The following FARP1 variants were observed in gnomAD, a reference collection of about 807,000 sequenced individuals.
FARP1 encodes FERM, ARHGEF and pleckstrin domain-containing protein 1.
A neutral mutation model predicts 128.8 loss-of-function variants in FARP1; 52 were observed. The observed-to-expected ratio is 0.40, with a 90% confidence interval of 0.32 to 0.51. The LOEUF is 0.51. Ranked by LOEUF, FARP1 falls within the 20% of genes least tolerant of loss-of-function variation. FARP1 has a pLI of 0.45. For synonymous variants in FARP1, 580 were observed against 551.8 expected, an observed-to-expected ratio of 1.05 and a Z score of -0.72; for missense variants, 1,333 against 1,367.9, an observed-to-expected ratio of 0.97 and a Z score of 0.40.
Position 98,410,652 on chromosome 13 carries a change from A to G in FARP1, c.1603-82A>G, listed in dbSNP as rs576732894. 1.7e-5 allele frequency: 11 copies of G among 658,664 alleles called. No homozygotes were observed. The South Asian group carries it at 1.8e-4, about 11-fold the overall frequency. The allele number at this position is 658,664 out of a possible 1,614,324, so 40.8% of individuals were successfully genotyped here. A position where few individuals can be genotyped will look rare whatever the true frequency, so the allele number is the denominator to read the frequency against. On this transcript the variant is annotated intron_variant, in intron 14 of 26. Coordinates refer to ENST00000319562, the MANE Select transcript of FARP1 (RefSeq NM_005766.4). ...TAACAAAAGATCACAAGTTAGTAAC[A>G]TATCACTTTAATGAGGACATTCTCC...
chr13:98,397,833 C>T (rs1890607189), intron 13 of FARP1: 1 of 138,656 alleles, frequency 7.2e-6, no homozygotes, highest in East Asian at 2.0e-4. Flanking sequence ...AGAAAAACAT[C>T]ACAAACAAAC....
chr13:98,391,503 T>C (rs1295656892), intron 11 of FARP1, among the ~76,000 whole-genome samples: 1 of 152,214 alleles, frequency 6.6e-6, no homozygotes, highest in Non-Finnish European at 1.5e-5. Context: ...ACTCCTGGGC[T>C]CAAGCCATCT....
chr13:98,365,004 A>G (rs1354350606), intron 3 of FARP1, among the ~76,000 whole-genome samples: 1 of 152,218 alleles, frequency 6.6e-6, no homozygotes, highest in East Asian at 1.9e-4. Flanking sequence ...GTGCTGTTCT[A>G]GACACTCACA....
chr13:98,311,125 A>G (rs1196942117), intron 2 of FARP1, among the ~76,000 whole-genome samples: 1 of 152,224 alleles, frequency 6.6e-6, no homozygotes, highest in Non-Finnish European at 1.5e-5. Context: ...AATTAACAGC[A>G]GCACCACTCT....
chr13:98,371,437 C>T (rs1373027523), intron 5 of FARP1, among the ~76,000 whole-genome samples: 3 of 152,086 alleles, frequency 2.0e-5, no homozygotes, highest in Non-Finnish European at 4.4e-5. Context: ...CTCAGCTGGA[C>T]GGAGCAGGTT....
At position 98,453,049 on chromosome 13, in the gene FARP1, C is replaced by T. The variant is rs1226402986; in HGVS notation, c.*4732C>T. 3.6e-6 allele frequency: 4 copies of T among 1,116,190 alleles called. No individual in the cohort carries two copies. The highest frequency in any genetic ancestry group is 5.2e-6 in the Non-Finnish European group (4 of 767,086). 69.1% of individuals were successfully genotyped at this position (1,116,190 alleles called of 1,614,324 possible). A position where few individuals can be genotyped will look rare whatever the true frequency, so the allele number is the denominator to read the frequency against. On this transcript the variant is annotated 3_prime_UTR_variant, in exon 27 of 27. Coordinates refer to ENST00000319562, the MANE Select transcript of FARP1 (RefSeq NM_005766.4). ...TGTGTCCCTGGACGGGCGCCTGGCG[C>T]TGGGGTGGCTCCCAGTGGCGCACCT...
chr13:98,155,065 G>T (rs1234537092), intron 1 of FARP1, among the ~76,000 whole-genome samples: 2 of 152,132 alleles, frequency 1.3e-5, no homozygotes, highest in Non-Finnish European at 2.9e-5. Context: ...AGTCAACTGG[G>T]GCCGGGCGTG....
At chr13:98,189,398 G>A (rs1879084881) in intron 1 of FARP1, among the ~76,000 whole-genome samples, 1 of 151,974 alleles carries the variant, frequency 6.6e-6, no homozygotes, top group Non-Finnish European at 1.5e-5. Context: ...TTCAGACCAA[G>A]TTCACAGAAG....
intron 2 of FARP1, chr13:98,338,649 G>C (rs1887839546): frequency 6.6e-6 from 1 of 152,192 alleles, no homozygotes; most frequent in Non-Finnish European, 1.5e-5. Flanking sequence ...TCTGCTTTCA[G>C]TTATTTTCGT....
At chr13:98,356,981 T>C (rs1234072491) in intron 3 of FARP1, among the ~76,000 whole-genome samples, 2 of 152,202 alleles carry the variant, frequency 1.3e-5, no homozygotes, top group Non-Finnish European at 2.9e-5. Flanking sequence ...TATTCTGACA[T>C]CTGCATTGCC....
intron 1 of FARP1, among the ~76,000 whole-genome samples, chr13:98,210,066 T>C (rs9513372): frequency 0.45 from 67,651 of 151,550 alleles, 17,684 homozygotes; most frequent in Non-Finnish European, 0.58. Context: ...TATAGTACAA[T>C]GTATAGAATG....
At chr13:98,339,656 T>C (rs1356869538) in intron 2 of FARP1, among the ~76,000 whole-genome samples, 1 of 152,218 alleles carries the variant, frequency 6.6e-6, no homozygotes, top group Non-Finnish European at 1.5e-5. Flanking sequence ...ATTTTACAGA[T>C]GAATTTTAGA....
At position 98,362,360 on chromosome 13, in the gene FARP1, A is replaced by G. The variant is rs912114764; in HGVS notation, c.277-3035A>G. ...GCCAAGTTTCTTGACGAAGCCATTC[A>G]TCCTCTTCCCCATGCACCAGACGTT... On this transcript the variant is annotated intron_variant, in intron 3 of 26. Transcript: ENST00000319562. Among the ~76,000 whole-genome samples the G allele has an allele frequency of 3.3e-5, 5 of 152,278 alleles. No homozygotes were observed. The East Asian group carries it at 7.7e-4, about 24-fold the overall frequency.
At chr13:98,203,132 G>C (rs1379939069) in intron 1 of FARP1, among the ~76,000 whole-genome samples, 1 of 152,198 alleles carries the variant, frequency 6.6e-6, no homozygotes, top group Non-Finnish European at 1.5e-5. Flanking sequence ...CCCAGGCCAG[G>C]CTGGCCGCCT....
Position 98,377,784 on chromosome 13 carries a change from C to T in FARP1, c.399-37C>T, listed in dbSNP as rs201848646. The T allele has an allele frequency of 5.9e-6, 9 of 1,536,714 alleles. No individual in the cohort carries two copies. In the South Asian group the frequency reaches 7.8e-5, roughly 13 times the overall value. ...GCCAGGTTCCCGGTGACCTCCTGCC[C>T]TCTTTGCCTGACGCCCAGCTCTGTT... On this transcript the variant is annotated intron_variant, in intron 5 of 26. Coordinates refer to ENST00000319562, the MANE Select transcript of FARP1 (RefSeq NM_005766.4).
chr13:98,192,297 G>A (rs979272973), intron 1 of FARP1, among the ~76,000 whole-genome samples: 3 of 152,056 alleles, frequency 2.0e-5, no homozygotes, highest in African/African-American at 7.2e-5. Context: ...ATTCCTATAA[G>A]TGACAAATTA....
intron 2 of FARP1, among the ~76,000 whole-genome samples, chr13:98,241,553 C>G (rs959157652): frequency 6.6e-6 from 1 of 152,004 alleles, no homozygotes; most frequent in African/African-American, 2.4e-5. Flanking sequence ...GCCCAGGCAG[C>G]AGGATCTCTT....
At chr13:98,385,607 AT>A (rs1189348556) in intron 7 of FARP1, 59 bp from the exon 8 acceptor site, 1 of 1,585,276 alleles carries the variant, frequency 6.3e-7, no homozygotes, top group Non-Finnish European at 8.6e-7. Context: ...TTAATCTCAA[AT>A]TAATAGATAC....
chr13:98,415,601 C>T (rs1427874901), intron 16 of FARP1, among the ~76,000 whole-genome samples: 1 of 152,210 alleles, frequency 6.6e-6, no homozygotes, highest in Non-Finnish European at 1.5e-5. Context: ...GGTCATGGAG[C>T]GTTGCTGCCA....
Sources: allele counts gnomAD v4.1 joint callset (sites outside exome capture counted in the v4.1 genomes callset), GRCh38; gene constraint gnomAD v4.1.1; transcripts MANE v1.5; gene names NCBI Gene and HGNC (gene_info 2026-07-23, HGNC 2026-07-21).